Variants in AFF4 observed in about 807,000 individuals in gnomAD.
The protein encoded by AFF4 is AF4/FMR2 family member 4.
AFF4 carries 13 observed loss-of-function variants against 124.8 expected under a neutral mutation model. The ratio of observed to expected loss-of-function variants is 0.10; its 90% CI spans 0.07 to 0.17. AFF4 has a LOEUF of 0.17. Among genes scored for constraint, AFF4 ranks in the 10% least tolerant of loss-of-function variants. AFF4 has a pLI of 1.00. For missense variants in AFF4, 1,092 were observed against 1,403.8 expected (o/e 0.78, Z 3.55); for synonymous variants, 477 against 496.1 (o/e 0.96, Z 0.51).
intron 12 of AFF4, 72 bp downstream of exon 12, chr5:132,892,958 C>T: frequency 7.0e-7 from 1 of 1,422,402 alleles, no homozygotes; most frequent in Non-Finnish European, 9.9e-7. Flanking sequence ...CAGAGCATGT[C>T]AGAAAGTACC....
At chr5:132,889,656 A>C (rs1760205586) in intron 13 of AFF4, among the ~76,000 whole-genome samples, 1 of 152,264 alleles carries the variant, frequency 6.6e-6, no homozygotes, top group South Asian at 2.1e-4. Context: ...AAAATGAAAA[A>C]GCAGTCTCAA....
intron 1 of AFF4, among the ~76,000 whole-genome samples, chr5:132,959,910 G>C (rs1031067448): frequency 4.6e-5 from 7 of 151,680 alleles, no homozygotes; most frequent in Non-Finnish European, 1.0e-4. Context: ...GACTACAGGC[G>C]CCTGCCACCA....
Position 132,927,151 on chromosome 5 carries a change from T to C in AFF4, c.1020A>G (p.Thr340=), listed in dbSNP as rs755045695. The change falls in exon 5 of 21, where the codon ACA becomes ACG. Residue 340 remains threonine (T), a synonymous_variant. Coordinates refer to ENST00000265343, the MANE Select transcript of AFF4 (RefSeq NM_014423.4). ...PLTAIHTPCK[T]EPSKFPFPTK... ...TTGGAAAAGGAAATTTGGAAGGTTC[T>C]GTTTTGCATGGTGTATGAATAGCCG... The C allele has an allele frequency of 1.2e-6, 2 of 1,612,890 alleles. No homozygotes were observed. Among genetic ancestry groups the C allele is most frequent in the Non-Finnish European group, 8.5e-7 (1 of 1,179,624 alleles).
At chr5:132,950,770 A>C (rs768362329) in intron 1 of AFF4, among the ~76,000 whole-genome samples, 6 of 152,196 alleles carry the variant, frequency 3.9e-5, no homozygotes. Flanking sequence ...CAAAGGAAAA[A>C]AACTCGAATC....
intron 1 of AFF4, among the ~76,000 whole-genome samples, chr5:132,939,605 G>A (rs747208473): frequency 6.6e-6 from 1 of 152,164 alleles, no homozygotes; most frequent in Admixed American, 6.5e-5. Context: ...TGAAAGATCT[G>A]CAACTTCTTT....
At chr5:132,946,589 T>C (rs1370309117) in intron 1 of AFF4, among the ~76,000 whole-genome samples, 1 of 152,082 alleles carries the variant, frequency 6.6e-6, no homozygotes, top group African/African-American at 2.4e-5. Context: ...AAAGGACACA[T>C]ATTGTATGAT....
At position 132,937,177 on chromosome 5, in the gene AFF4, C is replaced by G; in HGVS notation, c.13G>C (p.Asp5His). 1 of 1,610,828 alleles carries G rather than the reference C, an allele frequency of 6.2e-7. No individual in the cohort carries two copies. Among genetic ancestry groups the G allele is most frequent in the Non-Finnish European group, 8.5e-7 (1 of 1,178,534 alleles). ...TCTTTCATACGCAGCACATTCCGGT[C>G]TTCACGGTTCATGTTGCTATGAAAA... MNRE[D>H]RNVLRMKERE... The change falls in exon 2 of 21, where the codon GAC (aspartate) becomes CAC (histidine). Residue 5 changes from aspartate (D) to histidine (H), a missense_variant. Coordinates refer to ENST00000265343, the MANE Select transcript of AFF4 (RefSeq NM_014423.4).
chr5:132,937,252 GTACAGATTT>G lies in AFF4; in HGVS notation c.-4-68_-4-60del. ...AATAAAAGGAAAAATTAAATATTCT[GTACAGATTT>G]TGTCAGCTTAACACTTCAATCACAG... On this transcript the variant is annotated intron_variant, in intron 1 of 20. Coordinates refer to ENST00000265343, the MANE Select transcript of AFF4 (RefSeq NM_014423.4). 2.7e-6 allele frequency: 4 copies of G among 1,503,272 alleles called. No homozygotes were observed. The South Asian group carries it at 5.1e-5, about 19-fold the overall frequency. The allele number at this position is 1,503,272 out of a possible 1,614,324, so 93.1% of individuals were successfully genotyped here. A position where few individuals can be genotyped will look rare whatever the true frequency, so the allele number is the denominator to read the frequency against.
chr5:132,946,697 G>A (rs567998964), intron 1 of AFF4, among the ~76,000 whole-genome samples: 3 of 152,228 alleles, frequency 2.0e-5, no homozygotes, highest in African/African-American at 7.2e-5. Flanking sequence ...AAAAGTTCTG[G>A]AAACAGACAG....
At chr5:132,921,799 C>G (rs531206500) in intron 5 of AFF4, among the ~76,000 whole-genome samples, 32 of 152,002 alleles carry the variant, frequency 2.1e-4, no homozygotes, top group African/African-American at 7.0e-4. Context: ...CTTTCCCCCC[C>G]AGAGAGAGTC....
Position 132,878,226 on chromosome 5 carries a change from A to C in AFF4, c.*2833T>G, listed in dbSNP as rs1462965547. 4.4e-6 allele frequency: 1 copy of C among 229,392 alleles called. No individual in the cohort carries two copies. Among genetic ancestry groups the C allele is most frequent in the Admixed American group, 5.7e-5 (1 of 17,626 alleles). The allele number at this position is 229,392 out of a possible 1,614,324, so 14.2% of individuals were successfully genotyped here. A position where few individuals can be genotyped will look rare whatever the true frequency, so the allele number is the denominator to read the frequency against. On this transcript the variant is annotated 3_prime_UTR_variant, in exon 21 of 21. Transcript: ENST00000265343. ...CAGCCCAGCCCAGTCTGGCCCAGGC[A>C]AGACTACTGTGACAACTGCAACCAC...
intron 11 of AFF4, among the ~76,000 whole-genome samples, chr5:132,895,459 GTTTGTGTTCTAAGTTTACTT>G (rs1581276949): frequency 6.6e-6 from 1 of 152,282 alleles, no homozygotes; most frequent in East Asian, 1.9e-4. Flanking sequence ...CTGGAGTGGT[GTTTGTGTTCTAAGTTTACTT>G]ACTTGGTAAG....
chr5:132,904,403 T>G lies in AFF4; in HGVS notation c.1052A>C (p.Glu351Ala), dbSNP rs757657806. ...AGTGCCAAAATTGGACTGCTGAGAC[T>G]CCTAAGAAAAAGGAACATAAAATTA... ...EPSKFPFPTK[E>A]SQQSNFGTGE... The change falls in exon 6 of 21, where the codon GAG (glutamate) becomes GCG (alanine). Residue 351 changes from glutamate to alanine, a missense_variant and splice_region_variant. Glu to Ala is a moderately radical substitution (Grantham distance 107, BLOSUM62 -1). Transcript: ENST00000265343. 2 of 1,607,584 alleles carry G rather than the reference T, an allele frequency of 1.2e-6. No homozygotes were observed. The highest frequency in any genetic ancestry group is 3.4e-5 in the Admixed American group (2 of 58,220).
At position 132,937,174 on chromosome 5, in the gene AFF4, G is replaced by A. The variant is rs762784091; in HGVS notation, c.16C>T (p.Arg6Trp). The change falls in exon 2 of 21, where the codon CGG becomes TGG. Residue 6 changes from arginine (R) to tryptophan (W), a missense_variant. Transcript: ENST00000265343. MNRED[R>W]NVLRMKERER... is the part of the protein sequence containing the mutation. ...CGTTCTTTCATACGCAGCACATTCC[G>A]GTCTTCACGGTTCATGTTGCTATGA... The A allele has an allele frequency of 1.1e-5, 17 of 1,611,390 alleles. No individual in the cohort carries two copies. Among genetic ancestry groups the A allele is most frequent in the African/African-American group, 2.7e-5 (2 of 74,814 alleles).
rs386405007 is a variant in AFF4 at position 132,908,776 on chromosome 5, A to ATTTTT, written c.1051-4377_1051-4373dup. ...TATATACATATATATATATATATAT[A>ATTTTT]TTTTTTTTTTTTGAGACGGAATCTA... On this transcript the variant is annotated intron_variant, in intron 5 of 20. Transcript: ENST00000265343. Among the ~76,000 whole-genome samples the ATTTTT allele has an allele frequency of 5.1e-3, 588 of 114,870 alleles. 4 individuals are homozygous for ATTTTT. The highest frequency in any genetic ancestry group is 0.016 in the African/African-American group (534 of 33,198). The allele number at this position is 114,870 out of a possible 152,430, so 75.4% of individuals were successfully genotyped here.
intron 1 of AFF4, among the ~76,000 whole-genome samples, chr5:132,952,594 C>G (rs1761870702): frequency 6.6e-6 from 1 of 152,116 alleles, no homozygotes; most frequent in East Asian, 1.9e-4. Context: ...ATTCCCAAAG[C>G]TTAAAATATC....
rs983125152 is a variant in AFF4, at chr5:132,950,316, A to C, written c.-5+12943T>G. Among the ~76,000 whole-genome samples, 113 of 152,262 alleles carry C rather than the reference A, an allele frequency of 7.4e-4. 2 individuals are homozygous for C. The Middle Eastern group carries it at 0.017, about 23-fold the overall frequency. ...CATGGAGAAACCCCGTCTCTACTAAAAATACAAAATTAGCCAGGAATGGTG... is the reference window on the plus strand; with the variant it reads ...CATGGAGAAACCCCGTCTCTACTAACAATACAAAATTAGCCAGGAATGGTG... On this transcript the variant is annotated intron_variant, in intron 1 of 20. Coordinates refer to ENST00000265343, the MANE Select transcript of AFF4 (RefSeq NM_014423.4).
At chr5:132,937,037 G>GA (rs746322632) in intron 2 of AFF4, 30 bp downstream of exon 2, 23 of 1,577,664 alleles carry the variant, frequency 1.5e-5, no homozygotes, top group Admixed American at 5.3e-5. Context: ...ATGCTAATGG[G>GA]AAAAAAACAT....
chr5:132,883,645 G>A (rs1760043143), intron 19 of AFF4, 85 bp from the exon 20 acceptor site: 6 of 1,214,218 alleles, frequency 4.9e-6, no homozygotes, highest in Admixed American at 2.3e-5. Context: ...CTACATGAAA[G>A]CATTTAAAAT....
Sources: allele counts gnomAD v4.1 joint callset (sites outside exome capture counted in the v4.1 genomes callset), GRCh38; gene constraint gnomAD v4.1.1; transcripts MANE v1.5; gene names NCBI Gene and HGNC (gene_info 2026-07-23, HGNC 2026-07-21).